CHD2: variants seen among roughly 807,000 people sequenced by gnomAD.
The protein encoded by CHD2 is ATP-dependent chromatin remodeler CHD2.
CHD2 carries 28 observed loss-of-function variants against 243.9 expected under a neutral mutation model. The ratio of observed to expected loss-of-function variants is 0.11; its 90% CI spans 0.09 to 0.16. The LOEUF is 0.16. Ranked by LOEUF, CHD2 falls within the 10% of genes least tolerant of loss-of-function variation. CHD2 has a pLI of 1.00. For missense variants in CHD2, 1,386 were observed against 2,209.8 expected (o/e 0.63, Z 7.47); for synonymous variants, 775 against 779.0 (o/e 0.99, Z 0.09).
In CHD2 at chr15:92,928,726, T is replaced by C. The variant is rs80102684; in HGVS notation, c.382-304T>C. Among the ~76,000 whole-genome samples the C allele has an allele frequency of 0.08, 12,253 of 152,324 alleles. 516 individuals carry two copies. The highest frequency in any genetic ancestry group is 0.18 in the Middle Eastern group (53 of 294). On this transcript the variant is annotated intron_variant, in intron 4 of 38. Transcript: ENST00000394196. The stretch of plus-strand genomic sequence containing the variant: ...TCACATGTGGCTGATGGGTACTGTA[T>C]TGGACATTGTAGATACAGGACATTT...
Position 92,900,726 on chromosome 15 carries a change from T to C in CHD2, c.-170T>C, listed in dbSNP as rs1426170557. The C allele has an allele frequency of 5.0e-6, 2 of 397,746 alleles. No homozygotes were observed. The highest frequency in any genetic ancestry group is 1.3e-3 in the Middle Eastern group (2 of 1,586). The allele number at this position is 397,746 out of a possible 1,614,324, so 24.6% of individuals were successfully genotyped here. On this transcript the variant is annotated 5_prime_UTR_variant, in exon 1 of 39. Coordinates refer to ENST00000394196, the MANE Select transcript of CHD2 (RefSeq NM_001271.4). ...AGGGTTATTTTATTTATTTTTCGTT[T>C]TTTAACGGAGGATTTTGCCTTTATT... is the stretch of plus-strand genomic sequence containing the variant.
chr15:92,956,852 A>G (rs972502360), intron 16 of CHD2, among the ~76,000 whole-genome samples: 1 of 152,226 alleles, frequency 6.6e-6, no homozygotes, highest in Non-Finnish European at 1.5e-5. Context: ...GGAGGAAAGC[A>G]GTATTGTCTG....
At position 92,971,905 on chromosome 15, in the gene CHD2, A is replaced by G; in HGVS notation, c.2330A>G (p.Glu777Gly). Residue 777 changes from glutamate (E) to glycine (G), a missense_variant, in exon 18 of 39, where the codon GAA becomes GGA. By Grantham distance (98) the Glu-to-Gly change is moderately conservative. This residue lies in a region of CHD2 where 118 missense variants were observed against 266.3 expected (regional missense o/e 0.44). Transcript: ENST00000394196. Reference sequence around the variant, plus strand: ...AAACCCCCTGAAGAAAATGAAAGGGAAAATGGACAGGAGATTCTTCTGGTA... The same window carrying G: ...AAACCCCCTGAAGAAAATGAAAGGGGAAATGGACAGGAGATTCTTCTGGTA... ...LIKPPEENER[E>G]NGQEILLSLI... 1 of 1,611,182 alleles carries G rather than the reference A, an allele frequency of 6.2e-7. No homozygotes were observed.
intron 26 of CHD2, among the ~76,000 whole-genome samples, chr15:92,986,574 T>C (rs1424696694): frequency 6.6e-6 from 1 of 152,216 alleles, no homozygotes; most frequent in Non-Finnish European, 1.5e-5. Context: ...CAAAATTGTA[T>C]GTATATATAC....
chr15:93,023,349 C>T (rs1376583666), intron 38 of CHD2, among the ~76,000 whole-genome samples: 3 of 152,208 alleles, frequency 2.0e-5, no homozygotes, highest in Non-Finnish European at 4.4e-5. Flanking sequence ...AGTACTCATT[C>T]CATCCTTATG....
intron 5 of CHD2, among the ~76,000 whole-genome samples, chr15:92,931,072 T>C (rs1217445043): frequency 6.6e-6 from 1 of 152,182 alleles, no homozygotes; most frequent in Non-Finnish European, 1.5e-5. Flanking sequence ...CAAGGCACTT[T>C]AGGAGCCTTC....
At chr15:93,005,672 A>G (rs1457089430) in intron 34 of CHD2, among the ~76,000 whole-genome samples, 1 of 152,122 alleles carries the variant, frequency 6.6e-6, no homozygotes, top group Non-Finnish European at 1.5e-5. Flanking sequence ...ATGTATATAG[A>G]TATTGTTTTC....
At chr15:92,935,520 A>G (rs2053250985) in intron 5 of CHD2, among the ~76,000 whole-genome samples, 1 of 152,178 alleles carries the variant, frequency 6.6e-6, no homozygotes, top group South Asian at 2.1e-4. Flanking sequence ...TGGGGGAGAT[A>G]TGGTAATTAG....
chr15:92,957,573 C>T (rs181295766), intron 16 of CHD2, among the ~76,000 whole-genome samples: 56 of 151,994 alleles, frequency 3.7e-4, no homozygotes, highest in Non-Finnish European at 6.3e-4. Flanking sequence ...TGCTGGTTCC[C>T]ATTGTCTAGA....
rs2053887776 is a variant in CHD2, at chr15:92,974,918, G to A, written c.2545G>A (p.Ala849Thr). The A allele has an allele frequency of 3.1e-6, 5 of 1,613,790 alleles. No homozygotes were observed. Among genetic ancestry groups the A allele is most frequent in the Non-Finnish European group, 4.2e-6 (5 of 1,179,720 alleles). Residue 849 changes from alanine (A) to threonine (T), a missense_variant, in exon 20 of 39, where the codon GCA (alanine) becomes ACA (threonine). Transcript: ENST00000394196. ...GSIKGEIRKQ[A>T]LDHFNADGSE... ...CATCAAGGGAGAAATCCGAAAACAG[G>A]CACTGGACCACTTCAATGCAGATGG...
At position 92,979,281 on chromosome 15, in the gene CHD2, C is replaced by G; in HGVS notation, c.2874C>G (p.Ser958=). ...RTILENNSGR[S]NSNPFNKEEL... is the part of the protein sequence containing the mutation. ...TCCTGGAAAACAACTCAGGAAGGTC[C>G]AAGTAAGTGCCAGGAAGATTGGGAG... Residue 958 remains serine, a splice_region_variant and synonymous_variant, in exon 22 of 39, where the codon TCC becomes TCG. Transcript: ENST00000394196. 6.2e-7 allele frequency: 1 copy of G among 1,613,444 alleles called. No homozygotes were observed. The highest frequency in any genetic ancestry group is 8.5e-7 in the Non-Finnish European group (1 of 1,179,730).
chr15:92,975,263 A>G (rs1434037525), intron 20 of CHD2, among the ~76,000 whole-genome samples: 3 of 152,192 alleles, frequency 2.0e-5, no homozygotes, highest in Non-Finnish European at 4.4e-5. Context: ...TAGAATTAAT[A>G]TAAGAAGGTT....
rs560421440 is a variant in CHD2, at chr15:93,000,420, C to G, written c.4009-92C>G. ...GAATTTTCTTGTTTGAATTATATGG[C>G]TGCTACTGCTTTAAAGAGTCATCAT... On this transcript the variant is annotated intron_variant, in intron 31 of 38. Transcript: ENST00000394196. 91 of 1,242,480 alleles carry G rather than the reference C, an allele frequency of 7.3e-5. No individual in the cohort carries two copies. The African/African-American group carries it at 1.3e-3, about 18-fold the overall frequency. The allele number at this position is 1,242,480 out of a possible 1,614,324, so 77.0% of individuals were successfully genotyped here. A position where few individuals can be genotyped will look rare whatever the true frequency, so the allele number is the denominator to read the frequency against.
intron 5 of CHD2, among the ~76,000 whole-genome samples, chr15:92,930,731 A>G (rs962722330): frequency 1.3e-5 from 2 of 152,154 alleles, no homozygotes; most frequent in Non-Finnish European, 2.9e-5. Flanking sequence ...GCCACTTATC[A>G]GTCTTAAGAA....
At chr15:92,959,925 T>C (rs570860027) in intron 16 of CHD2, among the ~76,000 whole-genome samples, 24 of 152,372 alleles carry the variant, frequency 1.6e-4, no homozygotes, top group African/African-American at 4.6e-4. Context: ...AAGAAAAATA[T>C]GGAATTTTGA....
chr15:92,949,358 GAGTGTATATAGCAAGTTAAGTCACTCA>G, intron 13 of CHD2: 1 of 555,634 alleles, frequency 1.8e-6, no homozygotes, highest in Non-Finnish European at 2.6e-6. Flanking sequence ...TGTTACTCAT[GAGTGTATATAGCAAGTTAAGTCACTCA>G]AATCTTTAAT....
At chr15:92,932,691 G>A (rs2053193899) in intron 5 of CHD2, among the ~76,000 whole-genome samples, 1 of 152,122 alleles carries the variant, frequency 6.6e-6, no homozygotes, top group Admixed American at 6.5e-5. Flanking sequence ...TTTGAAGAAT[G>A]CAGTCTTGCA....
At chr15:93,009,356 T>C in intron 35 of CHD2, 33 bp downstream of exon 35, 8 of 1,597,798 alleles carry the variant, frequency 5.0e-6, no homozygotes, top group Non-Finnish European at 6.8e-6. Flanking sequence ...CCCAGTTTGA[T>C]TTGACTGAGT....
chr15:92,995,880 C>T (rs2054181008), intron 28 of CHD2, among the ~76,000 whole-genome samples: 1 of 152,192 alleles, frequency 6.6e-6, no homozygotes, highest in African/African-American at 2.4e-5. Context: ...ACAAGCCTCA[C>T]AAACAGAATA....
Sources: gnomAD v4.1 joint callset for allele counts (sites outside exome capture counted in the v4.1 genomes callset) on GRCh38, gnomAD v4.1.1 for gene constraint, gnomAD v4.1.1 regional missense constraint, MANE v1.5 for transcripts, NCBI Gene and HGNC (gene_info 2026-07-23, HGNC 2026-07-21) for gene names.